Variants in PALM2AKAP2 observed in about 807,000 individuals in gnomAD.
The protein encoded by PALM2AKAP2 is PALM2 and AKAP2 fusion.
Under a neutral mutation model 71.5 loss-of-function variants are expected in PALM2AKAP2, and 37 were observed. That is an observed-to-expected ratio of 0.52 (90% CI 0.40 to 0.68). PALM2AKAP2 has a LOEUF of 0.68. Among genes scored for constraint, PALM2AKAP2 ranks in the 30% least tolerant of loss-of-function variants. PALM2AKAP2 has a pLI of 0.00. For synonymous variants in PALM2AKAP2, 468 were observed against 478.8 expected (o/e 0.98, Z 0.29); for missense variants, 1,224 against 1,191.8 (o/e 1.03, Z -0.40).
At chr9:109,640,848 C>T (rs1276257776) in exon 1 of PALM2AKAP2, 1 of 1,516,804 alleles carries the variant, frequency 6.6e-7, no homozygotes, top group Non-Finnish European at 8.8e-7. Flanking sequence ...CGCACCCGGC[C>T]GCGGAGCCCC....
At chr9:109,921,232 A>G (rs908375961) in intron 3 of PALM2AKAP2, among the ~76,000 whole-genome samples, 1 of 152,134 alleles carries the variant, frequency 6.6e-6, no homozygotes, top group Non-Finnish European at 1.5e-5. Flanking sequence ...TTTTAAATTC[A>G]TTCAATGTAG....
At chr9:110,168,472 A>G in exon 4 of PALM2AKAP2, 3 of 1,614,210 alleles carry the variant, frequency 1.9e-6, no homozygotes, top group South Asian at 2.2e-5. Flanking sequence ...ATCTATGCCA[A>G]CCAGGAGGAA....
At chr9:109,908,310 A>C (rs1830493739) in intron 3 of PALM2AKAP2, among the ~76,000 whole-genome samples, 1 of 152,168 alleles carries the variant, frequency 6.6e-6, no homozygotes, top group Admixed American at 6.5e-5. Context: ...CCCCAAAAAG[A>C]GGAAATGCTG....
chr9:110,139,215 G>A (rs1210761912), intron 2 of PALM2AKAP2, among the ~76,000 whole-genome samples: 1 of 152,164 alleles, frequency 6.6e-6, no homozygotes, highest in Non-Finnish European at 1.5e-5. Context: ...TATTGCCTGG[G>A]TGGTCCCTTT....
rs555949199 is a variant in PALM2AKAP2, at chr9:109,962,729, G to A, written c.496+30701G>A. On this transcript the variant is annotated intron_variant, in intron 6 of 9. Transcript: ENST00000302798. ...ACGATCTCGGCTCACTGCAACCTCC[G>A]CCTCCCGGGTTCAAGCGATTCTCCT... 2.0e-3 allele frequency among the ~76,000 whole-genome samples: 304 copies of A among 150,464 alleles called. 2 individuals carry two copies. The highest frequency in any genetic ancestry group is 8.9e-3 in the South Asian group (42 of 4,744).
intron 1 of PALM2AKAP2, among the ~76,000 whole-genome samples, chr9:109,774,280 A>C (rs921942334): frequency 1.3e-5 from 2 of 152,224 alleles, no homozygotes; most frequent in Non-Finnish European, 2.9e-5. Context: ...ACCAGGCTGG[A>C]GTAGAACCTG....
rs750348492 is a variant in PALM2AKAP2, at chr9:110,156,476, C to T, written c.2727C>T (p.Arg909=). The T allele has an allele frequency of 6.0e-5, 96 of 1,608,876 alleles. No individual in the cohort carries two copies. In the Admixed American group the frequency reaches 8.8e-4, roughly 15 times the overall value. ...ATGAGACACACAAATCTAAAAGGCG[C>T]GAGAGAATGGATGATAGTAGTGTAA... Residue 909 remains arginine, a synonymous_variant, in exon 3 of 4, where the codon CGC becomes CGT. Transcript: ENST00000374525.
chr9:109,983,935 A>G (rs1588044331), intron 6 of PALM2AKAP2, among the ~76,000 whole-genome samples: 1 of 152,348 alleles, frequency 6.6e-6, no homozygotes, highest in Non-Finnish European at 1.5e-5. Context: ...GAGATAATTC[A>G]TATAGAAAAC....
At chr9:109,847,889 G>A (rs1307244528) in intron 1 of PALM2AKAP2, among the ~76,000 whole-genome samples, 2 of 152,202 alleles carry the variant, frequency 1.3e-5, no homozygotes, top group Non-Finnish European at 2.9e-5. Flanking sequence ...TGTGGATAAA[G>A]AGCAGACTAT....
At chr9:109,849,640 C>T (rs1241648566) in intron 1 of PALM2AKAP2, among the ~76,000 whole-genome samples, 2 of 152,078 alleles carry the variant, frequency 1.3e-5, no homozygotes, top group Admixed American at 6.6e-5. Flanking sequence ...CCTGTAATCC[C>T]AGCTACTCAG....
chr9:110,022,816 A>G (rs1248366091), intron 7 of PALM2AKAP2, among the ~76,000 whole-genome samples: 1 of 151,368 alleles, frequency 6.6e-6, no homozygotes, highest in Non-Finnish European at 1.5e-5. Flanking sequence ...CCTATGAGTG[A>G]GAACATGTGG....
At chr9:110,109,338 C>CCAGAA (rs5899878) in intron 1 of PALM2AKAP2, among the ~76,000 whole-genome samples, 1 of 131,206 alleles carries the variant, frequency 7.6e-6, no homozygotes, top group African/African-American at 2.9e-5. Flanking sequence ...AAAAAAAAAC[C>CCAGAA]AGAAAGAAAG....
chr9:109,747,470 A>G (rs1460895049), intron 1 of PALM2AKAP2, among the ~76,000 whole-genome samples: 1 of 152,188 alleles, frequency 6.6e-6, no homozygotes, highest in Admixed American at 6.5e-5. Context: ...TTGATATAAA[A>G]TTATATATAC....
At chr9:110,059,748 G>A (rs1329887867) in intron 1 of PALM2AKAP2, among the ~76,000 whole-genome samples, 1 of 152,102 alleles carries the variant, frequency 6.6e-6, no homozygotes, top group Admixed American at 6.5e-5. Context: ...GGAAGCCTGT[G>A]TTTTTCCACC....
intron 1 of PALM2AKAP2, among the ~76,000 whole-genome samples, chr9:109,749,399 G>A (rs76000621): frequency 0.05 from 5,757 of 116,282 alleles, 144 homozygotes; most frequent in Non-Finnish European, 0.075. Flanking sequence ...AAGAGATCTC[G>A]TTCTTGTCTA....
intron 3 of PALM2AKAP2, among the ~76,000 whole-genome samples, chr9:109,881,220 C>T (rs1463318631): frequency 6.6e-6 from 1 of 152,182 alleles, no homozygotes; most frequent in African/African-American, 2.4e-5. Context: ...TGATCTCATC[C>T]TTTTTTGTGG....
At chr9:109,795,248 A>G (rs1173530541) in intron 1 of PALM2AKAP2, among the ~76,000 whole-genome samples, 1 of 152,218 alleles carries the variant, frequency 6.6e-6, no homozygotes, top group Non-Finnish European at 1.5e-5. Context: ...GGGGAAAAAA[A>G]TAACCCCTTT....
chr9:109,744,186 A>G (rs1366021389), intron 1 of PALM2AKAP2, among the ~76,000 whole-genome samples: 1 of 152,234 alleles, frequency 6.6e-6, no homozygotes, highest in Non-Finnish European at 1.5e-5. Flanking sequence ...GAATGCAGAG[A>G]AAAGGGAAAA....
chr9:110,086,106 CAAAAA>C (rs34871967), intron 1 of PALM2AKAP2, among the ~76,000 whole-genome samples: 1 of 80,244 alleles, frequency 1.2e-5, no homozygotes, highest in Non-Finnish European at 2.6e-5. Flanking sequence ...GACTCCATCT[CAAAAA>C]AAAAAAAAAA....
Sources: gnomAD v4.1 joint callset for allele counts (sites outside exome capture counted in the v4.1 genomes callset) on GRCh38, gnomAD v4.1.1 for gene constraint, MANE v1.5 for transcripts, NCBI Gene and HGNC (gene_info 2026-07-23, HGNC 2026-07-21) for gene names.